Variants in FAM72C observed in about 807,000 individuals in gnomAD.
The protein encoded by FAM72C is RUMY family member 3, also known as protein FAM72C.
Under a neutral mutation model 5.2 loss-of-function variants are expected in FAM72C, and 1 was observed. That is an observed-to-expected ratio of 0.19 (90% confidence interval 0.07 to 0.91). The LOEUF is 0.91. Ranked by LOEUF, FAM72C falls within the 40% of genes least tolerant of loss-of-function variation. The pLI, the probability that FAM72C is intolerant of heterozygous loss-of-function variation, is 0.66. For missense variants in FAM72C, 4 were observed against 66.0 expected, an observed-to-expected ratio of 0.06 and a Z score of 3.25; for synonymous variants, 1 against 21.8, an observed-to-expected ratio of 0.05 and a Z score of 2.66.
chr1:143,960,417 A>AG lies in FAM72C; in HGVS notation c.356-3937_356-3936insC, dbSNP rs1454275727. ...TGACTCCATCTCAAAAAAAAAAAAAAAAAAAAAAAGGTACTTCAGGCCAGG... is the reference window on the plus strand; with the variant it reads ...TGACTCCATCTCAAAAAAAAAAAAAAGAAAAAAAAAGGTACTTCAGGCCAGG... On this transcript the variant is annotated intron_variant, in intron 3 of 3. Transcript: ENST00000584486. Among the ~76,000 whole-genome samples the AG allele has an allele frequency of 9.1e-5, 10 of 110,388 alleles. No homozygotes were observed. The East Asian group carries it at 1.8e-3, about 20-fold the overall frequency. The allele number at this position is 110,388 out of a possible 152,430, so 72.4% of individuals were successfully genotyped here. A position where few individuals can be genotyped will look rare whatever the true frequency, so the allele number is the denominator to read the frequency against.
chr1:143,967,435 G>A lies in FAM72C; in HGVS notation c.230+1489C>T, dbSNP rs1321237652. Among the ~76,000 whole-genome samples the A allele has an allele frequency of 3.5e-4, 50 of 141,624 alleles. 3 individuals are homozygous for A. Among genetic ancestry groups the A allele is most frequent in the South Asian group, 1.2e-3 (5 of 4,310 alleles). 92.9% of individuals were successfully genotyped at this position (141,624 alleles called of 152,430 possible). On this transcript the variant is annotated intron_variant, in intron 2 of 3. Transcript: ENST00000584486. ...AGAGGTTGCAGTAAGCTGAGATCGTGCCACTGCACTCTAGCCTGGGCGACA... is the reference window on the plus strand; with the variant it reads ...AGAGGTTGCAGTAAGCTGAGATCGTACCACTGCACTCTAGCCTGGGCGACA...
rs587731698 is a variant in FAM72C at position 143,960,798 on chromosome 1, A to T, written c.355+4057T>A. ...CAAGGAAAAAGAATTTTTTTTTTTTAAAAGAATTGGTAGTGTACTTTCTTA... is the reference window on the plus strand; with the variant it reads ...CAAGGAAAAAGAATTTTTTTTTTTTTAAAGAATTGGTAGTGTACTTTCTTA... On this transcript the variant is annotated intron_variant, in intron 3 of 3. Transcript: ENST00000584486. Among the ~76,000 whole-genome samples, 68 of 141,846 alleles carry T rather than the reference A, an allele frequency of 4.8e-4. 1 individual carries two copies. Among genetic ancestry groups the T allele is most frequent in the South Asian group, 4.2e-3 (18 of 4,332 alleles). The allele number at this position is 141,846 out of a possible 152,430, so 93.1% of individuals were successfully genotyped here.
intron 3 of FAM72C, among the ~76,000 whole-genome samples, chr1:143,959,614 TA>T (rs1553517654): frequency 8.0e-6 from 1 of 124,584 alleles, no homozygotes; most frequent in East Asian, 2.2e-4. Flanking sequence ...AAAATACATT[TA>T]AGTTCTAAAG....
intron 3 of FAM72C, among the ~76,000 whole-genome samples, chr1:143,963,898 G>T (rs1553518065): frequency 8.3e-6 from 1 of 120,468 alleles, no homozygotes; most frequent in African/African-American, 3.2e-5. Context: ...GCTCACTGCA[G>T]CCTCTACCTC....
At chr1:143,962,076 G>A (rs1331117618) in intron 3 of FAM72C, among the ~76,000 whole-genome samples, 15 of 138,352 alleles carry the variant, frequency 1.1e-4, no homozygotes, top group East Asian at 4.4e-4. Context: ...GTGCAATGGC[G>A]TGATCTTGGC....
In FAM72C at chr1:143,967,011, G is replaced by A. The variant is rs1472890538; in HGVS notation, c.230+1913C>T. On this transcript the variant is annotated intron_variant, in intron 2 of 3. Coordinates refer to ENST00000584486, the MANE Select transcript of FAM72C (RefSeq NM_001287385.2). Reference sequence around the variant, plus strand: ...CCATTGCACTCCAGCCTGGGCAACTGAGCAAGACTCCGTCTCAAAGCAAAA... The same window carrying A: ...CCATTGCACTCCAGCCTGGGCAACTAAGCAAGACTCCGTCTCAAAGCAAAA... Among the ~76,000 whole-genome samples, 4 of 143,764 alleles carry A rather than the reference G, an allele frequency of 2.8e-5. 1 individual carries two copies. Among genetic ancestry groups the A allele is most frequent in the Non-Finnish European group, 6.1e-5 (4 of 65,318 alleles). The allele number at this position is 143,764 out of a possible 152,430, so 94.3% of individuals were successfully genotyped here.
chr1:143,959,255 TCTC>T (rs1553517625), intron 3 of FAM72C, among the ~76,000 whole-genome samples: 2 of 136,890 alleles, frequency 1.5e-5, no homozygotes, highest in Non-Finnish European at 3.2e-5. Flanking sequence ...ACTTGAAAAA[TCTC>T]CACCCTGTGT....
At chr1:143,965,881 T>C (rs1191192495) in intron 2 of FAM72C, among the ~76,000 whole-genome samples, 10 of 127,218 alleles carry the variant, frequency 7.9e-5, no homozygotes, top group African/African-American at 2.8e-4. Context: ...CAGCTGATTA[T>C]AAGTACCTCA....
chr1:143,962,352 T>G (rs2101696393), intron 3 of FAM72C, among the ~76,000 whole-genome samples: 1 of 136,930 alleles, frequency 7.3e-6, no homozygotes. Context: ...GTTTCACTCT[T>G]GGTGCAATGG....
intron 3 of FAM72C, among the ~76,000 whole-genome samples, chr1:143,960,169 G>A (rs1214098918): frequency 2.2e-5 from 2 of 92,910 alleles, no homozygotes; most frequent in Non-Finnish European, 4.4e-5. Flanking sequence ...ACTTTGGGAG[G>A]CTGAGGTGGG....
Position 143,965,263 on chromosome 1 carries a change from T to C in FAM72C, c.231-284A>G, listed in dbSNP as rs1453402836. On this transcript the variant is annotated intron_variant, in intron 2 of 3. Coordinates refer to ENST00000584486, the MANE Select transcript of FAM72C (RefSeq NM_001287385.2). ...CGAGTTTTGCTCTTGTCACCCAGGC[T>C]GGAGTGCCTGCAACCTCCGCCTCCC... is the stretch of plus-strand genomic sequence containing the variant. 6.3e-4 allele frequency among the ~76,000 whole-genome samples: 66 copies of C among 104,538 alleles called. 2 individuals carry two copies. In the Admixed American group the frequency reaches 6.5e-3, roughly 10 times the overall value. 68.6% of individuals were successfully genotyped at this position (104,538 alleles called of 152,430 possible). A position where few individuals can be genotyped will look rare whatever the true frequency, so the allele number is the denominator to read the frequency against.
At chr1:143,969,180 GT>G (rs1188567658) in intron 1 of FAM72C, among the ~76,000 whole-genome samples, 179 bp from the exon 2 acceptor site, 2 of 2,556 alleles carry the variant, frequency 7.8e-4, no homozygotes, top group African/African-American at 2.9e-3. Flanking sequence ...TCCTACCAGA[GT>G]TTCCTGAGTA....
At chr1:143,962,293 C>A (rs587674252) in intron 3 of FAM72C, among the ~76,000 whole-genome samples, 6 of 143,966 alleles carry the variant, frequency 4.2e-5, no homozygotes, top group African/African-American at 1.5e-4. Context: ...GGATTACAGG[C>A]GTGAGCCACC....
chr1:143,959,601 T>TA (rs1298274812), intron 3 of FAM72C, among the ~76,000 whole-genome samples: 1 of 125,554 alleles, frequency 8.0e-6, no homozygotes, highest in Non-Finnish European at 1.7e-5. Context: ...ATCATATATT[T>TA]AAAAAATACA....
In FAM72C at chr1:143,955,649, C is replaced by T. The variant is rs1270460850; in HGVS notation, c.*738G>A. The T allele has an allele frequency of 7.2e-5, 10 of 138,094 alleles. 2 individuals are homozygous for T. The East Asian group carries it at 1.5e-3, about 21-fold the overall frequency. 8.6% of individuals were successfully genotyped at this position (138,094 alleles called of 1,614,324 possible). On this transcript the variant is annotated 3_prime_UTR_variant, in exon 4 of 4. Coordinates refer to ENST00000584486, the MANE Select transcript of FAM72C (RefSeq NM_001287385.2). ...TATTTAAGATTTAGGACAGACTACT[C>T]GTCTAAAATTCACTATTTACAGAGA...
At chr1:143,959,123 CT>C (rs1256784787) in intron 3 of FAM72C, among the ~76,000 whole-genome samples, 6 of 138,436 alleles carry the variant, frequency 4.3e-5, no homozygotes, top group African/African-American at 1.8e-4. Flanking sequence ...CTTCCTTTCT[CT>C]GTTAAGAAGG....
At chr1:143,967,215 C>T (rs1374359758) in intron 2 of FAM72C, among the ~76,000 whole-genome samples, 12 of 144,688 alleles carry the variant, frequency 8.3e-5, no homozygotes, top group South Asian at 2.3e-4. Context: ...CGGTGGCTCA[C>T]GCCTGTAATC....
In FAM72C at chr1:143,966,755, C is replaced by T. The variant is rs1405481132; in HGVS notation, c.231-1776G>A. ...TTTTGAAAATGTTGTTCTTCAGGTG[C>T]GGTGGCTCATGCCTGTAATCCCAGC... On this transcript the variant is annotated intron_variant, in intron 2 of 3. Coordinates refer to ENST00000584486, the MANE Select transcript of FAM72C (RefSeq NM_001287385.2). Among the ~76,000 whole-genome samples the T allele has an allele frequency of 4.8e-5, 7 of 146,108 alleles. 1 individual carries two copies. Among genetic ancestry groups the T allele is most frequent in the South Asian group, 2.2e-4 (1 of 4,514 alleles).
At chr1:143,962,256 T>C (rs1661663495) in intron 3 of FAM72C, among the ~76,000 whole-genome samples, 1 of 144,920 alleles carries the variant, frequency 6.9e-6, no homozygotes, top group Admixed American at 6.9e-5. Context: ...TCAGGTGATC[T>C]GCCCGCTTCG....
Sources: allele counts gnomAD v4.1 joint callset (sites outside exome capture counted in the v4.1 genomes callset), GRCh38; gene constraint gnomAD v4.1.1; transcripts MANE v1.5; gene names NCBI Gene and HGNC (gene_info 2026-07-23, HGNC 2026-07-21).